Variants in TSGA13 observed in about 807,000 individuals in gnomAD.
TSGA13 encodes testis-specific gene 13 protein.
In TSGA13, 37 loss-of-function variants were observed where a neutral mutation model predicts 35.1. That is an observed-to-expected ratio of 1.05 (90% CI 0.81 to 1.39). TSGA13 has a LOEUF of 1.39. TSGA13 is among the 40% of genes most tolerant of loss of function. The pLI is 0.00. For synonymous variants in TSGA13, 124 were observed against 121.2 expected (o/e 1.02, Z -0.15); for missense variants, 338 against 328.5 (o/e 1.03, Z -0.22).
chr7:130,669,157 G>A lies in TSGA13; in HGVS notation c.685C>T (p.Pro229Ser), dbSNP rs377018294. The A allele has an allele frequency of 1.4e-5, 23 of 1,614,078 alleles. No homozygotes were observed. Among genetic ancestry groups the A allele is most frequent in the Non-Finnish European group, 1.8e-5 (21 of 1,180,044 alleles). The change falls in exon 8 of 8, where the codon CCA becomes TCA. Residue 229 changes from proline to serine, a missense_variant. Coordinates refer to ENST00000356588, the MANE Select transcript of TSGA13 (RefSeq NM_052933.4). The stretch of plus-strand genomic sequence containing the variant: ...GGTTCCCGAATCACTTTGGAAATTG[G>A]CCTTTCACTCGCTGACTTCTTGGAA... ...DASKKSASER[P>S]ISKVIREPLT...
intron 2 of TSGA13, among the ~76,000 whole-genome samples, chr7:130,684,589 G>A (rs1054659922): frequency 3.6e-4 from 55 of 152,262 alleles, no homozygotes; most frequent in African/African-American, 9.6e-4. Context: ...AAATAGCCAC[G>A]CTATGTCGTT....
At position 130,679,262 on chromosome 7, in the gene TSGA13, T is replaced by C; in HGVS notation, c.280A>G (p.Lys94Glu). The C allele has an allele frequency of 6.2e-7, 1 of 1,614,218 alleles. No homozygotes were observed. Among genetic ancestry groups the C allele is most frequent in the Non-Finnish European group, 8.5e-7 (1 of 1,180,040 alleles). Residue 94 changes from lysine to glutamate, a missense_variant, in exon 5 of 8, where the codon AAG (lysine) becomes GAG (glutamate). Transcript: ENST00000356588. Reference protein sequence around the residue: ...MLKVTQYDQDKTLLIMTNNPP... With the variant: ...MLKVTQYDQDETLLIMTNNPP... ...TTGTTGGTCATAATCAGTAACGTCT[T>C]ATCCTGGTCATACTGTGTTACTTTT...
intron 5 of TSGA13, among the ~76,000 whole-genome samples, chr7:130,677,330 C>A (rs1796436908): frequency 6.6e-6 from 1 of 152,218 alleles, no homozygotes; most frequent in African/African-American, 2.4e-5. Context: ...GTCTCTTCCA[C>A]AACTACTAAT....
At position 130,668,819 on chromosome 7, in the gene TSGA13, C is replaced by G; in HGVS notation, c.*195G>C. The G allele has an allele frequency of 7.9e-7, 1 of 1,260,058 alleles. No homozygotes were observed. Among genetic ancestry groups the G allele is most frequent in the Non-Finnish European group, 1.1e-6 (1 of 938,384 alleles). The allele number at this position is 1,260,058 out of a possible 1,614,324, so 78.1% of individuals were successfully genotyped here. ...CGGGGCCAAGGCCCGCCCTCCCCGG[C>G]CGCCCTCGGCCCCCGGGACGCAGCC... On this transcript the variant is annotated 3_prime_UTR_variant, in exon 8 of 8. Transcript: ENST00000356588.
chr7:130,680,008 C>G lies in TSGA13; in HGVS notation c.175-641G>C, dbSNP rs75155510. The stretch of plus-strand genomic sequence containing the variant: ...CAGAGAAGTTTCTACATGGCTAAAC[C>G]TAATTGGCCTTGTCTCTACAACTCT... On this transcript the variant is annotated intron_variant, in intron 4 of 7. Transcript: ENST00000356588. 5.3e-5 allele frequency among the ~76,000 whole-genome samples: 8 copies of G among 152,262 alleles called. No individual in the cohort carries two copies. The East Asian group carries it at 1.4e-3, about 26-fold the overall frequency.
At chr7:130,684,562 G>A (rs1168229569) in intron 2 of TSGA13, among the ~76,000 whole-genome samples, 1 of 152,086 alleles carries the variant, frequency 6.6e-6, no homozygotes, top group Non-Finnish European at 1.5e-5. Flanking sequence ...GCAGAATAAG[G>A]ACCAAAATAA....
At chr7:130,687,412 T>G (rs1796680012), upstream of TSGA13, 1 of 152,226 alleles carries the variant, frequency 6.6e-6, no homozygotes, top group South Asian at 2.1e-4. Flanking sequence ...CCCCTCCCAG[T>G]GCTTTGTATC....
In TSGA13 at chr7:130,668,955, G is replaced by T; in HGVS notation, c.*59C>A. 6.4e-7 allele frequency: 1 copy of T among 1,567,472 alleles called. No individual in the cohort carries two copies. The highest frequency in any genetic ancestry group is 1.2e-5 in the South Asian group (1 of 86,236). On this transcript the variant is annotated 3_prime_UTR_variant, in exon 8 of 8. Transcript: ENST00000356588. The stretch of plus-strand genomic sequence containing the variant: ...AGGAATGTGGTTTTATTTGGGTGGC[G>T]ACTTCTGCGGACCCCTCAGTCTCAA...
intron 4 of TSGA13, 118 bp from the exon 5 acceptor site, chr7:130,679,485 T>C (rs1584638528): frequency 2.3e-6 from 2 of 876,892 alleles, no homozygotes; most frequent in Non-Finnish European, 1.7e-6. Flanking sequence ...ACAGACTTGC[T>C]GCAAAATCTG....
intron 5 of TSGA13, among the ~76,000 whole-genome samples, chr7:130,673,767 C>A (rs1796341309): frequency 1.3e-5 from 2 of 152,004 alleles, no homozygotes; most frequent in South Asian, 4.2e-4. Context: ...GGTGTAGTAA[C>A]TGCATGGCAT....
chr7:130,679,508 G>A, intron 4 of TSGA13, 141 bp from the exon 5 acceptor site: 3 of 796,526 alleles, frequency 3.8e-6, no homozygotes, highest in Non-Finnish European at 5.8e-6. Context: ...GGGTTTTTTG[G>A]TTTTGTTTTT....
At chr7:130,674,361 CG>C (rs1314452864) in intron 5 of TSGA13, among the ~76,000 whole-genome samples, 1 of 151,594 alleles carries the variant, frequency 6.6e-6, no homozygotes, top group Non-Finnish European at 1.5e-5. Context: ...TTAGTAGAAA[CG>C]GGGTTTCACC....
chr7:130,671,869 T>G, intron 6 of TSGA13, 81 bp from the exon 7 acceptor site: 11 of 791,204 alleles, frequency 1.4e-5, no homozygotes, highest in Non-Finnish European at 1.7e-5. Flanking sequence ...TATTTTATTT[T>G]ATTTTATTTT....
intron 6 of TSGA13, among the ~76,000 whole-genome samples, chr7:130,672,475 T>C (rs1348399048): frequency 1.3e-5 from 2 of 152,138 alleles, no homozygotes; most frequent in African/African-American, 4.8e-5. Context: ...CTTTTTTTTT[T>C]TTCCTGTTTC....
intron 5 of TSGA13, among the ~76,000 whole-genome samples, chr7:130,678,069 G>C (rs568097250): frequency 3.9e-5 from 6 of 152,232 alleles, no homozygotes; most frequent in African/African-American, 1.4e-4. Flanking sequence ...AGTCTATAAA[G>C]GAGTTTCAAA....
rs575779659 is a variant in TSGA13, at chr7:130,685,068, T to C, written c.23+120A>G. 3.8e-6 allele frequency: 4 copies of C among 1,061,318 alleles called. No homozygotes were observed. In the African/African-American group the frequency reaches 6.2e-5, roughly 16 times the overall value. The allele number at this position is 1,061,318 out of a possible 1,614,324, so 65.7% of individuals were successfully genotyped here. On this transcript the variant is annotated intron_variant, in intron 2 of 7. Transcript: ENST00000356588. ...TTTTGATCCAGGGACAATCAGTCAATTAAAATATGTTTAATGAGAGTCTAC... is the reference window on the plus strand; with the variant it reads ...TTTTGATCCAGGGACAATCAGTCAACTAAAATATGTTTAATGAGAGTCTAC...
At chr7:130,682,417 G>T (rs1796569514) in intron 3 of TSGA13, among the ~76,000 whole-genome samples, 2 of 151,930 alleles carry the variant, frequency 1.3e-5, no homozygotes, top group African/African-American at 4.8e-5. Context: ...ACCATGCCTG[G>T]CCTATTTTTT....
Position 130,668,752 on chromosome 7 carries a change from G to T in TSGA13, c.*262C>A. On this transcript the variant is annotated 3_prime_UTR_variant, in exon 8 of 8. Coordinates refer to ENST00000356588, the MANE Select transcript of TSGA13 (RefSeq NM_052933.4). ...GAGCGGAAGAGGCTGCAGGAAGGCC[G>T]GCCCCGCGCTCTCACGCCGGTTGGG... The T allele has an allele frequency of 1.4e-6, 2 of 1,451,396 alleles. No homozygotes were observed. Among genetic ancestry groups the T allele is most frequent in the South Asian group, 2.6e-5 (2 of 75,732 alleles). 89.9% of individuals were successfully genotyped at this position (1,451,396 alleles called of 1,614,324 possible).
chr7:130,683,475 A>T, intron 3 of TSGA13, 119 bp downstream of exon 3: 1 of 817,866 alleles, frequency 1.2e-6, no homozygotes. Context: ...CTTGTTTTCC[A>T]TATACATTTT....
Sources: allele counts gnomAD v4.1 joint callset (sites outside exome capture counted in the v4.1 genomes callset), GRCh38; gene constraint gnomAD v4.1.1; transcripts MANE v1.5; gene names NCBI Gene and HGNC (gene_info 2026-07-23, HGNC 2026-07-21).